The following MGST1 variants were observed in gnomAD, a reference collection of about 807,000 sequenced individuals.
MGST1 encodes glutathione S-transferase 12.
A neutral mutation model predicts 8.9 loss-of-function variants in MGST1; 5 were observed. The ratio of observed to expected loss-of-function variants is 0.56; its 90% CI spans 0.29 to 1.19. The LOEUF is 1.19. MGST1 is among the 50% of genes most tolerant of loss of function. The pLI is 0.08. For missense variants in MGST1, 182 were observed against 187.4 expected (o/e 0.97, Z 0.17); for synonymous variants, 54 against 67.8 (o/e 0.80, Z 1.00).
intron 1 of MGST1, among the ~76,000 whole-genome samples, chr12:16,432,476 G>A (rs1040673470): frequency 1.3e-5 from 2 of 151,956 alleles, no homozygotes; most frequent in Non-Finnish European, 2.9e-5. Context: ...TATCTGCCTA[G>A]TCTACCTTAG....
At chr12:16,414,710 C>A (rs967562616) in intron 1 of MGST1, among the ~76,000 whole-genome samples, 2 of 152,108 alleles carry the variant, frequency 1.3e-5, no homozygotes, top group Non-Finnish European at 2.9e-5. Flanking sequence ...CCACCGCGCC[C>A]GGCCAAGGTG....
intron 1 of MGST1, among the ~76,000 whole-genome samples, chr12:16,406,200 C>T (rs973710493): frequency 2.6e-5 from 4 of 152,092 alleles, no homozygotes; most frequent in African/African-American, 7.2e-5. Context: ...TAAGCTAATA[C>T]AAAACCTCAG....
chr12:16,542,580 G>A (rs1162541450), intron 4 of MGST1, among the ~76,000 whole-genome samples: 3 of 151,980 alleles, frequency 2.0e-5, no homozygotes, highest in Non-Finnish European at 2.9e-5. Context: ...TTCCTTTCAC[G>A]TTCAGTCAAC....
At chr12:16,435,161 T>G (rs2137097425) in intron 1 of MGST1, among the ~76,000 whole-genome samples, 1 of 152,134 alleles carries the variant, frequency 6.6e-6, no homozygotes, top group African/African-American at 2.4e-5. Context: ...AAAAAACATT[T>G]CACAGCACAT....
chr12:16,567,404 C>T (rs1942655846), intron 4 of MGST1: 1 of 152,626 alleles, frequency 6.6e-6, no homozygotes, highest in African/African-American at 2.4e-5. Flanking sequence ...AAGGATAACT[C>T]AGGGATAGAA....
chr12:16,493,014 C>T (rs762254859), intron 4 of MGST1, among the ~76,000 whole-genome samples: 4 of 152,134 alleles, frequency 2.6e-5, no homozygotes, highest in African/African-American at 7.2e-5. Context: ...TTTTCTCCCC[C>T]GAGGAATGCA....
At chr12:16,374,069 T>A (rs10732572) in intron 3 of MGST1, among the ~76,000 whole-genome samples, 91,836 of 151,922 alleles carry the variant, frequency 0.6, 28,531 homozygotes, top group East Asian at 0.96. Context: ...GATATGCAGA[T>A]ATCATGATAC....
At chr12:16,579,394 G>T (rs1943091425) in intron 4 of MGST1, among the ~76,000 whole-genome samples, 1 of 152,150 alleles carries the variant, frequency 6.6e-6, no homozygotes, top group Non-Finnish European at 1.5e-5. Context: ...CCACTGATGA[G>T]AAACAATTTT....
In MGST1 at chr12:16,410,666, A is replaced by C. The variant is rs1008226406; in HGVS notation, n.779-26722A>C. On this transcript the variant is annotated intron_variant and non_coding_transcript_variant, in intron 1 of 1. Transcript: ENST00000359720. The surrounding 1 kb of genome is among the most constrained non-coding windows in gnomAD (Gnocchi z 4.4). ...ACATATATTATATATAAACATACATAATCAAATATATAATATAAATATATA... is the reference window on the plus strand; with the variant it reads ...ACATATATTATATATAAACATACATCATCAAATATATAATATAAATATATA... 3.4e-5 allele frequency among the ~76,000 whole-genome samples: 5 copies of C among 148,182 alleles called. No individual in the cohort carries two copies. In the Admixed American group the frequency reaches 3.4e-4, roughly 10 times the overall value.
intron 4 of MGST1, among the ~76,000 whole-genome samples, chr12:16,528,279 C>T (rs1941701476): frequency 6.6e-6 from 1 of 151,866 alleles, no homozygotes; most frequent in Non-Finnish European, 1.5e-5. Context: ...CAGATATCAT[C>T]GTAGGCTAAA....
At chr12:16,427,179 T>C (rs1940898270) in intron 1 of MGST1, among the ~76,000 whole-genome samples, 1 of 152,062 alleles carries the variant, frequency 6.6e-6, no homozygotes, top group Admixed American at 6.5e-5. Context: ...GAAAAACGAT[T>C]TTAAGAAGAC....
downstream of MGST1, among the ~76,000 whole-genome samples, chr12:16,442,805 G>T (rs1362669649): frequency 6.6e-6 from 1 of 150,644 alleles, no homozygotes; most frequent in Non-Finnish European, 1.5e-5. The surrounding 1 kb of genome is among the most constrained non-coding windows in gnomAD (Gnocchi z 4.5). Context: ...TTTTTTTCTT[G>T]GTCTGCTTGT....
chr12:16,465,190 T>A (rs929486696), intron 4 of MGST1, among the ~76,000 whole-genome samples: 2 of 152,204 alleles, frequency 1.3e-5, no homozygotes, highest in Non-Finnish European at 2.9e-5. Flanking sequence ...CTCTACTGAC[T>A]TGTAGGAAAT....
intron 4 of MGST1, among the ~76,000 whole-genome samples, chr12:16,501,098 GAAAAAA>G (rs71054822): frequency 3.6e-5 from 3 of 83,818 alleles, no homozygotes; most frequent in East Asian, 6.8e-4. Flanking sequence ...ACTCTGTCTC[GAAAAAA>G]AAAAAAAAAA....
At chr12:16,417,584 A>C (rs1940798449) in intron 1 of MGST1, among the ~76,000 whole-genome samples, 1 of 152,164 alleles carries the variant, frequency 6.6e-6, no homozygotes, top group African/African-American at 2.4e-5. Flanking sequence ...CAATGAAAGA[A>C]TCCAAGTGTT....
chr12:16,513,956 C>A lies in MGST1; in HGVS notation n.483-75572C>A. On this transcript the variant is annotated intron_variant and non_coding_transcript_variant, in intron 4 of 4. Transcript: ENST00000538857. The surrounding 1 kb of genome is among the most constrained non-coding windows in gnomAD (Gnocchi z 4.2). ...CGCAAGACTTGCGGTTTTGACTTCA[C>A]AGACACTGTGGAGGACATTTCAAAA... 1 of 519,570 alleles carries A rather than the reference C, an allele frequency of 1.9e-6. No individual in the cohort carries two copies. The highest frequency in any genetic ancestry group is 3.7e-6 in the Non-Finnish European group (1 of 268,506). The allele number at this position is 519,570 out of a possible 1,614,324, so 32.2% of individuals were successfully genotyped here. A position where few individuals can be genotyped will look rare whatever the true frequency, so the allele number is the denominator to read the frequency against.
chr12:16,353,033 AT>A (rs1349934937), intron 1 of MGST1, among the ~76,000 whole-genome samples: 43 of 147,758 alleles, frequency 2.9e-4, no homozygotes, highest in Middle Eastern at 3.6e-3. Context: ...TACTATTTCA[AT>A]TTTTTTTTTT....
chr12:16,566,709 CACAT>C (rs1363974611), intron 4 of MGST1, among the ~76,000 whole-genome samples: 6 of 152,010 alleles, frequency 3.9e-5, no homozygotes, highest in African/African-American at 1.5e-4. Context: ...TCTTTATTAA[CACAT>C]ACAGATCATG....
intron 1 of MGST1, among the ~76,000 whole-genome samples, chr12:16,423,348 T>A (rs187867108): frequency 6.6e-6 from 1 of 152,186 alleles, no homozygotes; most frequent in Non-Finnish European, 1.5e-5. Context: ...AGATTAGACA[T>A]GAAGATAGGT....
Sources: gnomAD v4.1 joint callset for allele counts (sites outside exome capture counted in the v4.1 genomes callset) on GRCh38, gnomAD v4.1.1 for gene constraint, Gnocchi (gnomAD v3.1) non-coding constraint, MANE v1.5 for transcripts, NCBI Gene and HGNC (gene_info 2026-07-23, HGNC 2026-07-21) for gene names.